ZNF215: variants seen among roughly 807,000 people sequenced by gnomAD.
ZNF215 encodes zinc finger protein 215, also known as BWSCR2-associated zinc finger protein 2.
A neutral mutation model predicts 27.2 loss-of-function variants in ZNF215; 24 were observed. The ratio of observed to expected loss-of-function variants is 0.88; its 90% confidence interval spans 0.64 to 1.24. The LOEUF (loss-of-function observed/expected upper bound fraction) is 1.24, where lower values mean the gene tolerates loss of function less well. Ranked by LOEUF, ZNF215 falls within the 50% of genes most tolerant of loss-of-function variation. The pLI is 0.00. For synonymous variants in ZNF215, 210 were observed against 204.0 expected (o/e 1.03, Z -0.25); for missense variants, 675 against 605.7 (o/e 1.11, Z -1.20).
chr11:6,967,289 A>G (rs998205282), intron 5 of ZNF215, among the ~76,000 whole-genome samples: 2 of 152,188 alleles, frequency 1.3e-5, no homozygotes, highest in Admixed American at 6.5e-5. Flanking sequence ...GTGTGTATTT[A>G]TAGTAGAATG....
chr11:6,991,730 C>A (rs148468884), downstream of ZNF215, among the ~76,000 whole-genome samples: 679 of 152,226 alleles, frequency 4.5e-3, 7 homozygotes, highest in African/African-American at 0.015. Flanking sequence ...ATTTTGTGTC[C>A]AAATTCTACT....
chr11:6,985,113 C>G (rs1173433611), downstream of ZNF215, among the ~76,000 whole-genome samples: 1 of 152,064 alleles, frequency 6.6e-6, no homozygotes, highest in Admixed American at 6.6e-5. Flanking sequence ...AACTTCAGAC[C>G]AATGTCCCTG....
chr11:6,992,277 T>C (rs1329383349), downstream of ZNF215, among the ~76,000 whole-genome samples: 7 of 152,162 alleles, frequency 4.6e-5, no homozygotes, highest in Non-Finnish European at 7.3e-5. Flanking sequence ...TTCACAATTG[T>C]GAGCAAATAA....
chr11:6,953,989 C>T (rs1316770058), intron 6 of ZNF215, among the ~76,000 whole-genome samples: 1 of 152,184 alleles, frequency 6.6e-6, no homozygotes, highest in Non-Finnish European at 1.5e-5. Flanking sequence ...TTGGAGTTTG[C>T]TAGAGGTCCA....
intron 6 of ZNF215, among the ~76,000 whole-genome samples, chr11:6,948,559 GTC>G (rs1174070557): frequency 6.6e-6 from 1 of 152,096 alleles, no homozygotes; most frequent in Non-Finnish European, 1.5e-5. Flanking sequence ...GATGACTTCA[GTC>G]TCTCATTTGT....
At chr11:6,969,010 A>T (rs1850674618) in intron 5 of ZNF215, among the ~76,000 whole-genome samples, 1 of 152,118 alleles carries the variant, frequency 6.6e-6, no homozygotes, top group Non-Finnish European at 1.5e-5. Context: ...ATTTCTTTGC[A>T]TGGGAATTAG....
chr11:6,964,429 C>A (rs1353267124), intron 5 of ZNF215, among the ~76,000 whole-genome samples: 1 of 151,962 alleles, frequency 6.6e-6, no homozygotes, highest in East Asian at 1.9e-4. Flanking sequence ...TCTTAGTTAA[C>A]ATTTGTACAT....
chr11:6,955,726 G>A lies in ZNF215; in HGVS notation c.749G>A (p.Gly250Glu), dbSNP rs1157485787. ...KSISGEESSH[G>E]VIMTRLTESG... ...ATTTCTGGAGAAGAATCATCCCATG[G>A]AGTGATTATGACAAGGCTTACCGAA... is the stretch of plus-strand genomic sequence containing the variant. The change falls in exon 7 of 7, where the codon GGA becomes GAA. Residue 250 changes from glycine (G) to glutamate (E), a missense_variant. Coordinates refer to ENST00000278319, the MANE Select transcript of ZNF215 (RefSeq NM_013250.4). 3.1e-6 allele frequency: 5 copies of A among 1,588,994 alleles called. No homozygotes were observed. The highest frequency in any genetic ancestry group is 4.3e-6 in the Non-Finnish European group (5 of 1,171,680).
downstream of ZNF215, among the ~76,000 whole-genome samples, chr11:6,958,551 G>A (rs1374442754): frequency 7.0e-6 from 1 of 141,980 alleles, no homozygotes; most frequent in East Asian, 2.0e-4. Flanking sequence ...TGTTTCACAA[G>A]CCTGTTTATT....
At chr11:6,953,803 G>A (rs930645258) in intron 6 of ZNF215, among the ~76,000 whole-genome samples, 32 of 152,148 alleles carry the variant, frequency 2.1e-4, no homozygotes, top group Non-Finnish European at 2.9e-4. Context: ...TGGAGGAGGA[G>A]AGGCACTCTG....
Position 6,955,848 on chromosome 11 carries a change from C to A in ZNF215, c.871C>A (p.Pro291Thr). Residue 291 changes from proline to threonine, a missense_variant, in exon 7 of 7, where the codon CCT (proline) becomes ACT (threonine). Transcript: ENST00000278319. Reference sequence around the variant, plus strand: ...AAATTTGCCACAAGAGGCTTTCATTCCTGAGACAATTTACACTGAGGAGGA... The same window carrying A: ...AAATTTGCCACAAGAGGCTTTCATTACTGAGACAATTTACACTGAGGAGGA... ...DINLPQEAFIPETIYTEEEDF... is the reference protein window; with the variant it reads ...DINLPQEAFITETIYTEEEDF... 6.2e-7 allele frequency: 1 copy of A among 1,613,136 alleles called. No individual in the cohort carries two copies. Among genetic ancestry groups the A allele is most frequent in the South Asian group, 1.1e-5 (1 of 90,690 alleles).
chr11:6,976,948 C>T (rs1179542189), intron 5 of ZNF215, among the ~76,000 whole-genome samples: 2 of 152,026 alleles, frequency 1.3e-5, no homozygotes, highest in African/African-American at 2.4e-5. Context: ...ATCGTGCTGT[C>T]TCTAGAAGGT....
chr11:6,976,613 C>T (rs2638107), intron 5 of ZNF215, among the ~76,000 whole-genome samples: 35,647 of 151,846 alleles, frequency 0.23, 4,367 homozygotes, highest in Non-Finnish European at 0.26. Flanking sequence ...TTAATAATTC[C>T]ATTTAAGAAG....
At chr11:6,934,066 G>A (rs1849357339) in intron 3 of ZNF215, among the ~76,000 whole-genome samples, 1 of 152,114 alleles carries the variant, frequency 6.6e-6, no homozygotes, top group African/African-American at 2.4e-5. Context: ...ATTATCGATT[G>A]GGGACAGTGA....
chr11:6,989,651 C>T (rs1851096884), downstream of ZNF215, among the ~76,000 whole-genome samples: 1 of 152,172 alleles, frequency 6.6e-6, no homozygotes, highest in African/African-American at 2.4e-5. Flanking sequence ...CTGCTGCACT[C>T]TTGGCTCTTC....
intron 6 of ZNF215, among the ~76,000 whole-genome samples, chr11:6,952,741 G>A (rs1850128780): frequency 6.6e-6 from 1 of 152,142 alleles, no homozygotes; most frequent in Non-Finnish European, 1.5e-5. Flanking sequence ...TACATGTAAA[G>A]TTAATATTGT....
chr11:6,980,373 T>C (rs1850923057), intron 5 of ZNF215, among the ~76,000 whole-genome samples: 2 of 152,050 alleles, frequency 1.3e-5, no homozygotes, highest in South Asian at 4.1e-4. Context: ...ATTTAATGGT[T>C]TGGAAGTGAT....
intron 3 of ZNF215, among the ~76,000 whole-genome samples, chr11:6,933,558 C>T (rs556880893): frequency 4.1e-4 from 62 of 151,892 alleles, no homozygotes; most frequent in African/African-American, 1.4e-3. Flanking sequence ...GAGGCCGAGG[C>T]GGGCAGATCA....
chr11:6,950,945 G>A (rs1850030879), intron 6 of ZNF215, among the ~76,000 whole-genome samples: 1 of 151,996 alleles, frequency 6.6e-6, no homozygotes, highest in South Asian at 2.1e-4. Flanking sequence ...AGCATGAAGG[G>A]TTGTTGAATT....
Sources: allele counts gnomAD v4.1 joint callset (sites outside exome capture counted in the v4.1 genomes callset), GRCh38; gene constraint gnomAD v4.1.1; transcripts MANE v1.5; gene names NCBI Gene and HGNC (gene_info 2026-07-23, HGNC 2026-07-21).